Variants in ATL2 observed in about 807,000 individuals in gnomAD.
ATL2 encodes the protein atlastin-2.
A neutral mutation model predicts 73.9 loss-of-function variants in ATL2; 31 were observed. That is an observed-to-expected ratio of 0.42 (90% CI 0.32 to 0.57). The LOEUF (loss-of-function observed/expected upper bound fraction) is 0.57, where lower values mean the gene tolerates loss of function less well. Ranked by LOEUF, ATL2 falls within the 20% of genes least tolerant of loss-of-function variation. ATL2 has a pLI of 0.14. For missense variants in ATL2, 738 were observed against 702.6 expected (o/e 1.05, Z -0.57); for synonymous variants, 291 against 237.5 (o/e 1.23, Z -2.07).
chr2:38,343,883 T>C (rs1214133499), intron 1 of ATL2, among the ~76,000 whole-genome samples: 1 of 152,216 alleles, frequency 6.6e-6, no homozygotes, highest in East Asian at 1.9e-4. Context: ...GAGGTTTCCC[T>C]GCACAAGCTC....
chr2:38,324,121 C>CA (rs1437158497), intron 2 of ATL2, among the ~76,000 whole-genome samples: 1 of 152,004 alleles, frequency 6.6e-6, no homozygotes, highest in Admixed American at 6.6e-5. Context: ...ACTAAAAATA[C>CA]AAAAAAATTA....
In ATL2 at chr2:38,296,105, C is replaced by G; in HGVS notation, c.1641G>C (p.Lys547Asn). The G allele has an allele frequency of 6.5e-7, 1 of 1,550,294 alleles. No individual in the cohort carries two copies. Residue 547 changes from lysine (K) to asparagine (N), a missense_variant, in exon 13 of 13, where the codon AAG becomes AAC. Coordinates refer to ENST00000378954, the MANE Select transcript of ATL2 (RefSeq NM_001135673.4). ...CCTCCATCAAATTATCACCCAGGGG[C>G]TTCAATACCTGTGGTATGAGAAATG... ...IAETLWEQVL[K>N]PLGDNLMEEN...
At chr2:38,339,839 T>C (rs891657630) in intron 2 of ATL2, among the ~76,000 whole-genome samples, 10 of 152,016 alleles carry the variant, frequency 6.6e-5, no homozygotes, top group Non-Finnish European at 1.2e-4. Flanking sequence ...TACAGGTGCA[T>C]GCCACCGCGC....
intron 7 of ATL2, among the ~76,000 whole-genome samples, chr2:38,312,158 G>C (rs1454683913): frequency 6.6e-6 from 1 of 152,182 alleles, no homozygotes; most frequent in Non-Finnish European, 1.5e-5. Flanking sequence ...CTTTGTGTGT[G>C]TGAGTAGATG....
chr2:38,341,399 C>T (rs1015416577), intron 2 of ATL2, among the ~76,000 whole-genome samples: 5 of 152,070 alleles, frequency 3.3e-5, no homozygotes, highest in African/African-American at 4.8e-5. Context: ...CACGTTGGGA[C>T]GCTGAGGTGG....
chr2:38,362,640 T>C (rs576896607), intron 1 of ATL2, among the ~76,000 whole-genome samples: 7 of 152,246 alleles, frequency 4.6e-5, no homozygotes, highest in Non-Finnish European at 2.9e-5. Context: ...TGCATAAATC[T>C]TTATTCTTTC....
intron 2 of ATL2, among the ~76,000 whole-genome samples, chr2:38,339,823 T>C (rs1233881886): frequency 2.0e-5 from 3 of 152,102 alleles, no homozygotes; most frequent in Admixed American, 1.3e-4. Context: ...CCCAAGTAAC[T>C]GGGATTACAG....
At chr2:38,303,120 G>C (rs1365693334) in intron 9 of ATL2, among the ~76,000 whole-genome samples, 1 of 152,126 alleles carries the variant, frequency 6.6e-6, no homozygotes, top group Non-Finnish European at 1.5e-5. Context: ...AGTGAACAAA[G>C]AGACTGAAAT....
chr2:38,371,622 G>T (rs1304379367), intron 1 of ATL2, among the ~76,000 whole-genome samples: 1 of 152,142 alleles, frequency 6.6e-6, no homozygotes, highest in Non-Finnish European at 1.5e-5. Context: ...CCCAGGCAGG[G>T]TGCGGTGGCT....
intron 2 of ATL2, among the ~76,000 whole-genome samples, chr2:38,327,211 T>G (rs1341547897): frequency 1.3e-5 from 2 of 151,832 alleles, no homozygotes; most frequent in Non-Finnish European, 2.9e-5. Context: ...CAAATCTACA[T>G]AAAGAGAAAG....
At chr2:38,315,456 T>A in intron 4 of ATL2, 122 bp from the exon 5 acceptor site, 1 of 987,650 alleles carries the variant, frequency 1.0e-6, no homozygotes, top group Non-Finnish European at 1.4e-6. Context: ...ATCATTTAAC[T>A]ACTATCTTGA....
In ATL2 at chr2:38,314,615, G is replaced by T; in HGVS notation, c.704C>A (p.Pro235Gln). Residue 235 changes from proline to glutamine, a missense_variant, in exon 6 of 13, where the codon CCA becomes CAA. Pro to Gln is a moderately conservative substitution (Grantham distance 76). Transcript: ENST00000378954. The part of the protein sequence containing the change: ...RLAMEEIYQK[P>Q]FQTLMFLIRD... ...TTAGAATAACTTTTTTACCTGAAAT[G>T]GTTTCTGGTAGATTTCTTCCATCGC... 1 of 1,598,052 alleles carries T rather than the reference G, an allele frequency of 6.3e-7. No homozygotes were observed. Among genetic ancestry groups the T allele is most frequent in the South Asian group, 1.1e-5 (1 of 90,488 alleles).
intron 4 of ATL2, among the ~76,000 whole-genome samples, chr2:38,317,642 C>T (rs1469986622): frequency 1.3e-5 from 2 of 152,128 alleles, no homozygotes; most frequent in African/African-American, 4.8e-5. Flanking sequence ...CTGAGTACCA[C>T]TTGTCATAGA....
rs143591161 is a variant in ATL2, at chr2:38,308,990, C to T, written c.1071+389G>A. Among the ~76,000 whole-genome samples, 29 of 151,156 alleles carry T rather than the reference C, an allele frequency of 1.9e-4. 1 individual carries two copies. The East Asian group carries it at 4.7e-3, about 24-fold the overall frequency. ...TTACTTGAACCAATATAAATACTTT[C>T]AGCTGTTCTTATCAAGTCCTCAGAA... On this transcript the variant is annotated intron_variant, in intron 9 of 12. Transcript: ENST00000378954.
rs777244611 is a variant in ATL2, at chr2:38,318,650, G to A, written c.499-11C>T. On this transcript the variant is annotated splice_polypyrimidine_tract_variant and intron_variant, in intron 3 of 12. Coordinates refer to ENST00000378954, the MANE Select transcript of ATL2 (RefSeq NM_001135673.4). ...AAGCAGCACAGCAACCTAGGAATTT[G>A]AGAGTTTAAAATATTTAGTAAAACA... The A allele has an allele frequency of 6.4e-7, 1 of 1,570,184 alleles. No individual in the cohort carries two copies. Among genetic ancestry groups the A allele is most frequent in the South Asian group, 1.2e-5 (1 of 84,578 alleles).
intron 2 of ATL2, among the ~76,000 whole-genome samples, chr2:38,320,093 C>G (rs772488547): frequency 9.9e-5 from 15 of 152,016 alleles, no homozygotes; most frequent in Admixed American, 6.6e-4. Flanking sequence ...GCCAAAAGAG[C>G]GAAACTGCGT....
At chr2:38,367,959 G>A (rs1165022292) in intron 1 of ATL2, among the ~76,000 whole-genome samples, 1 of 146,382 alleles carries the variant, frequency 6.8e-6, no homozygotes, top group Non-Finnish European at 1.5e-5. Context: ...TTTTTTTGAG[G>A]AGTCTCGCTC....
At chr2:38,364,206 G>A (rs559544084) in intron 1 of ATL2, among the ~76,000 whole-genome samples, 229 of 152,282 alleles carry the variant, frequency 1.5e-3, no homozygotes, top group African/African-American at 5.3e-3. Flanking sequence ...AGGTTGCAGT[G>A]AGCCGAGATT....
At chr2:38,331,264 G>C (rs550322985) in intron 2 of ATL2, among the ~76,000 whole-genome samples, 3 of 151,576 alleles carry the variant, frequency 2.0e-5, no homozygotes, top group African/African-American at 4.8e-5. Context: ...GGTAAAACTC[G>C]ATCTCTACTA....
Sources: allele counts gnomAD v4.1 joint callset (sites outside exome capture counted in the v4.1 genomes callset), GRCh38; gene constraint gnomAD v4.1.1; transcripts MANE v1.5; gene names NCBI Gene and HGNC (gene_info 2026-07-23, HGNC 2026-07-21).